AKAP13: variants seen among roughly 807,000 people sequenced by gnomAD.
AKAP13 encodes A-kinase anchoring protein 13.
Under a neutral mutation model 264.5 loss-of-function variants are expected in AKAP13, and 80 were observed. That is an observed-to-expected ratio of 0.30 (90% CI 0.25 to 0.36). The LOEUF is 0.36. Ranked by LOEUF, AKAP13 falls within the 10% of genes least tolerant of loss-of-function variation. The probability of loss-of-function intolerance (pLI) is 1.00; values close to 1 mark genes in which losing one functional copy is unlikely to be tolerated. For synonymous variants in AKAP13, 1,380 were observed against 1,250.2 expected (o/e 1.10, Z -2.19); for missense variants, 3,712 against 3,435.2 (o/e 1.08, Z -2.01).
rs574837678 is a variant in AKAP13 at position 85,743,356 on chromosome 15, G to A, written c.8059-136G>A. 1.8e-4 allele frequency: 149 copies of A among 832,438 alleles called. 1 individual carries two copies. The highest frequency in any genetic ancestry group is 6.0e-4 in the South Asian group (34 of 56,600). 51.6% of individuals were successfully genotyped at this position (832,438 alleles called of 1,614,324 possible). ...TTCAAGCTCTATGCAGTCCACAGAC[G>A]TGAGCTCTGTAGAGTTCGCAGAGGT... On this transcript the variant is annotated intron_variant, in intron 35 of 36. Transcript: ENST00000394518.
intron 3 of AKAP13, among the ~76,000 whole-genome samples, chr15:85,530,061 T>C (rs1380500698): frequency 6.6e-6 from 1 of 152,202 alleles, no homozygotes; most frequent in Non-Finnish European, 1.5e-5. Context: ...ATTTTAGTTA[T>C]ACACAGAGCT....
In AKAP13 at chr15:85,741,195, C is replaced by G. The variant is rs780913908; in HGVS notation, c.7758C>G (p.Asn2586Lys). The G allele has an allele frequency of 6.2e-7, 1 of 1,611,126 alleles. No homozygotes were observed. Among genetic ancestry groups the G allele is most frequent in the Non-Finnish European group, 8.5e-7 (1 of 1,178,700 alleles). Residue 2586 changes from asparagine to lysine, a missense_variant, in exon 35 of 37, where the codon AAC becomes AAG. Physicochemically the swap from Asn to Lys is moderately conservative, Grantham distance 94 (BLOSUM62 0). Around this residue, in one of 3 missense-constraint regions of AKAP13, gnomAD observed 611 missense variants for 539.3 expected, o/e 1.13. Transcript: ENST00000394518. ...AGAAGCAGCGCCAGGACCTGGCCAA[C>G]CTGCAGAAGCAGCAGGCCCAGTACC... ...SLEKQRQDLA[N>K]LQKQQAQYLE...
At chr15:85,382,663 C>A (rs183451795) in intron 1 of AKAP13, among the ~76,000 whole-genome samples, 2 of 152,298 alleles carry the variant, frequency 1.3e-5, no homozygotes, top group East Asian at 3.9e-4. Context: ...TCTCACACTT[C>A]TTTTGCCTTG....
chr15:85,471,653 A>T (rs2074965819), intron 1 of AKAP13, among the ~76,000 whole-genome samples: 1 of 152,172 alleles, frequency 6.6e-6, no homozygotes, highest in Non-Finnish European at 1.5e-5. Flanking sequence ...TATCACTCCC[A>T]GGTTTCTTGT....
chr15:85,415,292 T>C, intron 1 of AKAP13: 9 of 1,581,196 alleles, frequency 5.7e-6, no homozygotes, highest in Admixed American at 1.7e-5. Context: ...TTGATGAATA[T>C]GTGAAGGAGC....
At chr15:85,744,106 C>G (rs1376361313) in intron 36 of AKAP13, 2 of 434,254 alleles carry the variant, frequency 4.6e-6, no homozygotes, top group South Asian at 3.2e-5. Flanking sequence ...TGAAGTAATT[C>G]AAGTCCTCCT....
At chr15:85,430,801 G>A (rs2150924055) in intron 1 of AKAP13, among the ~76,000 whole-genome samples, 1 of 152,292 alleles carries the variant, frequency 6.6e-6, no homozygotes, top group Admixed American at 6.5e-5. Context: ...ACCTGTGTGA[G>A]TAGTGCTGTT....
rs1189326372 is a variant in AKAP13 at position 85,631,500 on chromosome 15, T to TCACA, written c.4162-7873_4162-7872insACAC. 8.3e-3 allele frequency among the ~76,000 whole-genome samples: 667 copies of TCACA among 80,084 alleles called. 6 individuals carry two copies. Among genetic ancestry groups the TCACA allele is most frequent in the African/African-American group, 0.024 (550 of 23,316 alleles). 52.5% of individuals were successfully genotyped at this position (80,084 alleles called of 152,430 possible). On this transcript the variant is annotated intron_variant, in intron 8 of 36. Coordinates refer to ENST00000394518, the MANE Select transcript of AKAP13 (RefSeq NM_007200.5). The stretch of plus-strand genomic sequence containing the variant: ...CACACACTTTCTCTCTCTCTCTCTC[T>TCACA]CTCACACACACACACACACACACAC...
chr15:85,514,435 G>A (rs2076539908), intron 2 of AKAP13, among the ~76,000 whole-genome samples: 1 of 137,412 alleles, frequency 7.3e-6, no homozygotes, highest in Non-Finnish European at 1.6e-5. Flanking sequence ...GTTTTTTTGA[G>A]CACTTCATTG....
At chr15:85,534,103 A>G in intron 4 of AKAP13, 4 of 476,244 alleles carry the variant, frequency 8.4e-6, no homozygotes, top group Non-Finnish European at 1.5e-5. Flanking sequence ...GGATTACCCA[A>G]GGAGAGTGGC....
intron 8 of AKAP13, among the ~76,000 whole-genome samples, chr15:85,619,042 C>T (rs990827326): frequency 6.6e-6 from 1 of 152,100 alleles, no homozygotes; most frequent in African/African-American, 2.4e-5. Context: ...CCATTGTACA[C>T]GCTTGTGGTG....
intron 1 of AKAP13, among the ~76,000 whole-genome samples, chr15:85,406,943 C>T (rs1273835154): frequency 1.3e-5 from 2 of 151,664 alleles, no homozygotes; most frequent in African/African-American, 4.9e-5. Flanking sequence ...AAAGCACAGT[C>T]CTAGGCCACA....
Position 85,745,763 on chromosome 15 carries a change from A to C in AKAP13, c.*1086A>C. 1 of 152,302 alleles carries C rather than the reference A, an allele frequency of 6.6e-6. No individual in the cohort carries two copies. The highest frequency in any genetic ancestry group is 2.1e-4 in the South Asian group (1 of 4,830). The allele number at this position is 152,302 out of a possible 1,614,324, so 9.4% of individuals were successfully genotyped here. On this transcript the variant is annotated 3_prime_UTR_variant, in exon 37 of 37. Coordinates refer to ENST00000394518, the MANE Select transcript of AKAP13 (RefSeq NM_007200.5). ...AGAAGTGGGTTCAGGCGAAGGGTGA[A>C]GCCATGTGTAGCAGTTCCTGCCAGT...
In AKAP13 at chr15:85,551,701, C is replaced by T. The variant is rs150853963; in HGVS notation, c.662+7746C>T. Among the ~76,000 whole-genome samples the T allele has an allele frequency of 1.5e-3, 221 of 152,344 alleles. 1 individual carries two copies. The highest frequency in any genetic ancestry group is 6.8e-3 in the Middle Eastern group (2 of 294). Reference sequence around the variant, plus strand: ...CAGAGTGGTCAGAGTTGTGAAATTACACTACTTGATCTGTGGTAACAAATT... The same window carrying T: ...CAGAGTGGTCAGAGTTGTGAAATTATACTACTTGATCTGTGGTAACAAATT... On this transcript the variant is annotated intron_variant, in intron 5 of 36. Transcript: ENST00000394518.
intron 16 of AKAP13, 91 bp downstream of exon 16, chr15:85,684,964 C>G (rs537565834): frequency 7.2e-7 from 1 of 1,387,682 alleles, no homozygotes; most frequent in Admixed American, 2.4e-5. Context: ...ATCATGGGGA[C>G]ATAAATGGAA....
At chr15:85,655,917 A>G in intron 11 of AKAP13, 130 bp downstream of exon 11, 2 of 1,378,024 alleles carry the variant, frequency 1.5e-6, no homozygotes, top group South Asian at 3.6e-5. Flanking sequence ...AGGCTTTGGA[A>G]TCAGGAAAAT....
intron 9 of AKAP13, among the ~76,000 whole-genome samples, chr15:85,641,575 TC>T (rs1270648223): frequency 2.0e-5 from 3 of 151,778 alleles, no homozygotes; most frequent in Non-Finnish European, 2.9e-5. Flanking sequence ...AAGCTCCGCC[TC>T]CCAGGTTCAC....
chr15:85,459,764 G>T (rs924132607), intron 1 of AKAP13, among the ~76,000 whole-genome samples: 5 of 152,198 alleles, frequency 3.3e-5, no homozygotes, highest in Non-Finnish European at 7.3e-5. Flanking sequence ...CTCCCAAAGT[G>T]CTGGGATTAC....
intron 4 of AKAP13, 51 bp downstream of exon 4, chr15:85,533,931 C>CT (rs762940749): frequency 2.2e-3 from 3,069 of 1,378,734 alleles, no homozygotes; most frequent in South Asian, 4.1e-3. Flanking sequence ...GATATTTCTA[C>CT]TTTTTTTTTA....
Sources: allele counts gnomAD v4.1 joint callset (sites outside exome capture counted in the v4.1 genomes callset), GRCh38; gene constraint gnomAD v4.1.1; regional missense constraint gnomAD v4.1.1; transcripts MANE v1.5; gene names NCBI Gene and HGNC (gene_info 2026-07-23, HGNC 2026-07-21).